ZBED2: variants seen among roughly 807,000 people sequenced by gnomAD.
ZBED2 encodes the protein zinc finger BED domain-containing protein 2.
For missense variants in ZBED2, 285 were observed against 281.0 expected (o/e 1.01, Z -0.10); for synonymous variants, 97 against 98.8 (o/e 0.98, Z 0.11).
rs375389645 is a variant in ZBED2 at position 111,593,817 on chromosome 3, G to A, written c.385C>T (p.Pro129Ser). The A allele has an allele frequency of 1.2e-6, 2 of 1,614,038 alleles. No individual in the cohort carries two copies. Among genetic ancestry groups the A allele is most frequent in the African/African-American group, 1.3e-5 (1 of 74,930 alleles). Residue 129 changes from proline to serine, a missense_variant, in exon 2 of 2, where the codon CCC becomes TCC. Transcript: ENST00000317012. Reference protein sequence around the residue: ...GQRQDPRPHGPQLPTGIEGNW... With the variant: ...GQRQDPRPHGSQLPTGIEGNW... ...CCCTCAATGCCTGTGGGGAGCTGGG[G>A]CCCGTGGGGCCTTGGATCCTGGCGC...
At position 111,593,472 on chromosome 3, in the gene ZBED2, G is replaced by T; in HGVS notation, c.*73C>A. 3 of 1,482,044 alleles carry T rather than the reference G, an allele frequency of 2.0e-6. No individual in the cohort carries two copies. In the South Asian group the frequency reaches 4.3e-5, roughly 21 times the overall value. The allele number at this position is 1,482,044 out of a possible 1,614,324, so 91.8% of individuals were successfully genotyped here. On this transcript the variant is annotated 3_prime_UTR_variant, in exon 2 of 2. Transcript: ENST00000317012. ...CACCAAACTACTTTGCTTTACATTTGAGTTGAAACTAAAATGGCTCTTTTC... is the reference window on the plus strand; with the variant it reads ...CACCAAACTACTTTGCTTTACATTTTAGTTGAAACTAAAATGGCTCTTTTC...
At position 111,593,644 on chromosome 3, in the gene ZBED2, C is replaced by G. The variant is rs996673849; in HGVS notation, c.558G>C (p.Arg186Ser). ...CCTTCCACTTCATCTCCAGGATGGCCCTTTCCACCTCCTCCAGGGCTCGCT... is the reference window on the plus strand; with the variant it reads ...CCTTCCACTTCATCTCCAGGATGGCGCTTTCCACCTCCTCCAGGGCTCGCT... ...KRERALEEVERAILEMKWKVR... is the reference protein window; with the variant it reads ...KRERALEEVESAILEMKWKVR... Residue 186 changes from arginine (R) to serine (S), a missense_variant, in exon 2 of 2, where the codon AGG (arginine) becomes AGC (serine). Coordinates refer to ENST00000317012, the MANE Select transcript of ZBED2 (RefSeq NM_024508.5). 2 of 1,605,228 alleles carry G rather than the reference C, an allele frequency of 1.2e-6. No homozygotes were observed.
In ZBED2 at chr3:111,593,938, G is replaced by A. The variant is rs1937123931; in HGVS notation, c.264C>T (p.Gly88=). 1 of 1,613,746 alleles carries A rather than the reference G, an allele frequency of 6.2e-7. No individual in the cohort carries two copies. The highest frequency in any genetic ancestry group is 1.3e-5 in the African/African-American group (1 of 74,934). ...CAGTGGTGCCCACGTTGACCCCAGGGCCACGGCTCACCTGCCTGCCACACA... is the reference window on the plus strand; with the variant it reads ...CAGTGGTGCCCACGTTGACCCCAGGACCACGGCTCACCTGCCTGCCACACA... ...CRLCGRQVSR[G]PGVNVGTTAL... Residue 88 remains glycine (G), a synonymous_variant, in exon 2 of 2, where the codon GGC becomes GGT. Transcript: ENST00000317012.
In ZBED2 at chr3:111,593,413, A is replaced by C; in HGVS notation, c.*132T>G. 8.8e-7 allele frequency: 1 copy of C among 1,140,378 alleles called. No homozygotes were observed. The highest frequency in any genetic ancestry group is 1.2e-6 in the Non-Finnish European group (1 of 837,534). 70.6% of individuals were successfully genotyped at this position (1,140,378 alleles called of 1,614,324 possible). On this transcript the variant is annotated 3_prime_UTR_variant, in exon 2 of 2. Coordinates refer to ENST00000317012, the MANE Select transcript of ZBED2 (RefSeq NM_024508.5). ...AATTCAGACCTGCTCAGATTAACTC[A>C]TACTGTGCACTATTTCACATAAAAG...
Position 111,593,591 on chromosome 3 carries a change from C to T in ZBED2, c.611G>A (p.Arg204Gln), listed in dbSNP as rs561192127. 73 of 1,549,794 alleles carry T rather than the reference C, an allele frequency of 4.7e-5. No individual in the cohort carries two copies. Among genetic ancestry groups the T allele is most frequent in the South Asian group, 4.4e-4 (36 of 81,748 alleles). Residue 204 changes from arginine (R) to glutamine (Q), a missense_variant, in exon 2 of 2, where the codon CGG becomes CAG. By Grantham distance (43) the Arg-to-Gln change is conservative (BLOSUM62 1). Coordinates refer to ENST00000317012, the MANE Select transcript of ZBED2 (RefSeq NM_024508.5). The part of the protein sequence containing the change: ...KVRAEKEACQ[R>Q]EKELPAAVHP... ...TACTGCTGCAGGCAGCTCTTTCTCC[C>T]GCTGGCATGCCTCCTTCTCAGCCCT...
Position 111,593,538 on chromosome 3 carries a change from G to A in ZBED2, c.*7C>T, listed in dbSNP as rs1470523890. 1.3e-6 allele frequency: 2 copies of A among 1,511,732 alleles called. No individual in the cohort carries two copies. The highest frequency in any genetic ancestry group is 2.3e-5 in the East Asian group (1 of 43,832). The allele number at this position is 1,511,732 out of a possible 1,614,324, so 93.6% of individuals were successfully genotyped here. A position where few individuals can be genotyped will look rare whatever the true frequency, so the allele number is the denominator to read the frequency against. ...AATGTTTTCAGAATAGATTCTCCAA[G>A]CCCAATTTAAACAAAATGGAAGGGA... On this transcript the variant is annotated 3_prime_UTR_variant, in exon 2 of 2. Transcript: ENST00000317012.
chr3:111,594,209 C>T lies in ZBED2; in HGVS notation c.-8G>A, dbSNP rs750992673. The T allele has an allele frequency of 2.5e-6, 4 of 1,578,732 alleles. No homozygotes were observed. The highest frequency in any genetic ancestry group is 2.2e-5 in the East Asian group (1 of 44,588). ...GTCTTCCCGCCTCATCATGTCACCT[C>T]TTCTACAGCGTTCTTTATGATGTGC... On this transcript the variant is annotated 5_prime_UTR_variant, in exon 2 of 2. Transcript: ENST00000317012.
exon 1 of ZBED2, chr3:111,595,343 GAGTGAAAGC>G (rs1472548646): frequency 1.3e-5 from 2 of 152,070 alleles, no homozygotes; most frequent in Non-Finnish European, 2.9e-5. Flanking sequence ...TTCCTGCGCA[GAGTGAAAGC>G]ACTCCTGCAC....
At position 111,594,101 on chromosome 3, in the gene ZBED2, A is replaced by G; in HGVS notation, c.101T>C (p.Leu34Pro). 6.2e-7 allele frequency: 1 copy of G among 1,614,170 alleles called. No individual in the cohort carries two copies. ...CATAGCACTCACAAAAGGGCCAACC[A>G]GTTCTCCTGTCTCACTAATCTCTTC... is the stretch of plus-strand genomic sequence containing the variant. ...EEEEISETGE[L>P]VGPFVSAMPT... is the part of the protein sequence containing the mutation. Residue 34 changes from leucine to proline, a missense_variant, in exon 2 of 2, where the codon CTG (leucine) becomes CCG (proline). Coordinates refer to ENST00000317012, the MANE Select transcript of ZBED2 (RefSeq NM_024508.5).
At position 111,594,110 on chromosome 3, in the gene ZBED2, G is replaced by C. The variant is rs1402922459; in HGVS notation, c.92C>G (p.Thr31Arg). 3.1e-6 allele frequency: 5 copies of C among 1,614,168 alleles called. No homozygotes were observed. Among genetic ancestry groups the C allele is most frequent in the South Asian group, 2.2e-5 (2 of 91,072 alleles). ...EMKEEEEISE[T>R]GELVGPFVSA... The stretch of plus-strand genomic sequence containing the variant: ...CACAAAAGGGCCAACCAGTTCTCCT[G>C]TCTCACTAATCTCTTCCTCCTCCTT... Residue 31 changes from threonine to arginine, a missense_variant, in exon 2 of 2, where the codon ACA (threonine) becomes AGA (arginine). By Grantham distance (71) the Thr-to-Arg change is moderately conservative. Coordinates refer to ENST00000317012, the MANE Select transcript of ZBED2 (RefSeq NM_024508.5).
At position 111,593,856 on chromosome 3, in the gene ZBED2, C is replaced by G. The variant is rs1214143975; in HGVS notation, c.346G>C (p.Gly116Arg). The change falls in exon 2 of 2, where the codon GGT (glycine) becomes CGT (arginine). Residue 116 changes from glycine (G) to arginine (R), a missense_variant. Coordinates refer to ENST00000317012, the MANE Select transcript of ZBED2 (RefSeq NM_024508.5). ...HREELEKSGH[G>R]QAGQRQDPRP... ...GGATCCTGGCGCTGCCCAGCCTGAC[C>G]ATGGCCACTCTTCTCCAGCTCCTCT... 4 of 1,613,836 alleles carry G rather than the reference C, an allele frequency of 2.5e-6. No individual in the cohort carries two copies. The Admixed American group carries it at 6.7e-5, about 27-fold the overall frequency.
chr3:111,594,421 A>G lies in ZBED2; in HGVS notation c.-220T>C, dbSNP rs1208512909. On this transcript the variant is annotated 5_prime_UTR_variant, in exon 2 of 2. Coordinates refer to ENST00000317012, the MANE Select transcript of ZBED2 (RefSeq NM_024508.5). Reference sequence around the variant, plus strand: ...TCAGATACAAGCAAAACAGCCCAAGAGTGCATTCCTTCCATGCCCCAGATA... The same window carrying G: ...TCAGATACAAGCAAAACAGCCCAAGGGTGCATTCCTTCCATGCCCCAGATA... 9 of 500,038 alleles carry G rather than the reference A, an allele frequency of 1.8e-5. No homozygotes were observed. The highest frequency in any genetic ancestry group is 3.2e-5 in the Non-Finnish European group (9 of 277,518). The allele number at this position is 500,038 out of a possible 1,614,324, so 31.0% of individuals were successfully genotyped here. A position where few individuals can be genotyped will look rare whatever the true frequency, so the allele number is the denominator to read the frequency against.
Position 111,593,709 on chromosome 3 carries a change from T to C in ZBED2, c.493A>G (p.Arg165Gly), listed in dbSNP as rs1034005819. 6.2e-7 allele frequency: 1 copy of C among 1,614,010 alleles called. No homozygotes were observed. The highest frequency in any genetic ancestry group is 1.3e-5 in the African/African-American group (1 of 74,948). Residue 165 changes from arginine to glycine, a missense_variant, in exon 2 of 2, where the codon AGG becomes GGG. By Grantham distance (125) the Arg-to-Gly change is moderately radical. Coordinates refer to ENST00000317012, the MANE Select transcript of ZBED2 (RefSeq NM_024508.5). ...GCCCTCTCCCGCCATTCCACTGCCC[T>C]TTCCCTCCTAAGCACCTCCTTTTCC... Reference protein sequence around the residue: ...QREKEVLRRERAVEWRERAVE... With the variant: ...QREKEVLRREGAVEWRERAVE...
chr3:111,594,466 C>T lies in ZBED2; in HGVS notation c.-265G>A. ...CAGATACTTACTTATCCTCCCTTGA[C>T]TAGGCCAGAAAGACAAAACATATCA... is the stretch of plus-strand genomic sequence containing the variant. On this transcript the variant is annotated 5_prime_UTR_variant, in exon 2 of 2. Transcript: ENST00000317012. The T allele has an allele frequency of 2.5e-6, 1 of 401,916 alleles. No homozygotes were observed. The allele number at this position is 401,916 out of a possible 1,614,324, so 24.9% of individuals were successfully genotyped here.
chr3:111,593,868 T>C lies in ZBED2; in HGVS notation c.334A>G (p.Lys112Glu). Reference protein sequence around the residue: ...LKSMHREELEKSGHGQAGQRQ... With the variant: ...LKSMHREELEESGHGQAGQRQ... ...TGCCCAGCCTGACCATGGCCACTCT[T>C]CTCCAGCTCCTCTCTGTGCATGCTT... The change falls in exon 2 of 2, where the codon AAG becomes GAG. Residue 112 changes from lysine (K) to glutamate (E), a missense_variant. Lys to Glu is a moderately conservative substitution (Grantham distance 56, BLOSUM62 1). Transcript: ENST00000317012. The C allele has an allele frequency of 1.9e-6, 3 of 1,613,784 alleles. No homozygotes were observed. Among genetic ancestry groups the C allele is most frequent in the Non-Finnish European group, 2.5e-6 (3 of 1,180,030 alleles).
chr3:111,594,353 T>G lies in ZBED2; in HGVS notation c.-152A>C. Reference sequence around the variant, plus strand: ...AAAGTCTGGCCACACCTGGGTGGTGTGAGGTTTCTTCCTTTCTGCTTCACT... The same window carrying G: ...AAAGTCTGGCCACACCTGGGTGGTGGGAGGTTTCTTCCTTTCTGCTTCACT... On this transcript the variant is annotated 5_prime_UTR_variant, in exon 2 of 2. Coordinates refer to ENST00000317012, the MANE Select transcript of ZBED2 (RefSeq NM_024508.5). 2 of 912,686 alleles carry G rather than the reference T, an allele frequency of 2.2e-6. No homozygotes were observed. The highest frequency in any genetic ancestry group is 3.3e-6 in the Non-Finnish European group (2 of 614,986). The allele number at this position is 912,686 out of a possible 1,614,324, so 56.5% of individuals were successfully genotyped here.
rs1403302751 is a variant in ZBED2, at chr3:111,594,175, C to T, written c.27G>A (p.Glu9=). MMRREDEE[E]EGTMMKAKGD... ...CTTTTGCCTTCATCATTGTTCCCTC[C>T]TCTTCCTCGTCTTCCCGCCTCATCA... is the stretch of plus-strand genomic sequence containing the variant. Residue 9 remains glutamate (E), a synonymous_variant, in exon 2 of 2, where the codon GAG becomes GAA. Transcript: ENST00000317012. 6.2e-7 allele frequency: 1 copy of T among 1,603,116 alleles called. No individual in the cohort carries two copies. Among genetic ancestry groups the T allele is most frequent in the Admixed American group, 1.7e-5 (1 of 59,466 alleles).
Position 111,594,306 on chromosome 3 carries a change from T to C in ZBED2, c.-105A>G. On this transcript the variant is annotated 5_prime_UTR_variant, in exon 2 of 2. Transcript: ENST00000317012. ...ATTTGGGAAGGGCCTGTGGTAACTC[T>C]TGGGGATTCACAATAATGGCCAAAG... The C allele has an allele frequency of 7.1e-7, 1 of 1,404,922 alleles. No homozygotes were observed. Among genetic ancestry groups the C allele is most frequent in the African/African-American group, 1.4e-5 (1 of 69,672 alleles). 87.0% of individuals were successfully genotyped at this position (1,404,922 alleles called of 1,614,324 possible). A position where few individuals can be genotyped will look rare whatever the true frequency, so the allele number is the denominator to read the frequency against.
rs1364738267 is a variant in ZBED2, at chr3:111,593,843, T to A, written c.359A>T (p.Gln120Leu). The A allele has an allele frequency of 3.7e-6, 6 of 1,613,950 alleles. No individual in the cohort carries two copies. Among genetic ancestry groups the A allele is most frequent in the Non-Finnish European group, 5.1e-6 (6 of 1,180,046 alleles). ...LEKSGHGQAG[Q>L]RQDPRPHGPQ... ...CCCGTGGGGCCTTGGATCCTGGCGCTGCCCAGCCTGACCATGGCCACTCTT... is the reference window on the plus strand; with the variant it reads ...CCCGTGGGGCCTTGGATCCTGGCGCAGCCCAGCCTGACCATGGCCACTCTT... Residue 120 changes from glutamine (Q) to leucine (L), a missense_variant, in exon 2 of 2, where the codon CAG becomes CTG. Gln to Leu is a moderately radical substitution (Grantham distance 113). Coordinates refer to ENST00000317012, the MANE Select transcript of ZBED2 (RefSeq NM_024508.5).
Sources: gnomAD v4.1 joint callset for allele counts on GRCh38, gnomAD v4.1.1 for gene constraint, MANE v1.5 for transcripts, NCBI Gene and HGNC (gene_info 2026-07-23, HGNC 2026-07-21) for gene names.